The following CEP295 variants were observed in gnomAD, a reference collection of about 807,000 sequenced individuals.
CEP295 encodes the protein centrosomal protein of 295 kDa.
CEP295 carries 190 observed loss-of-function variants against 291.6 expected under a neutral mutation model. The ratio of observed to expected loss-of-function variants is 0.65; its 90% CI spans 0.58 to 0.73. CEP295 has a LOEUF of 0.73. Ranked by LOEUF, CEP295 falls within the 30% of genes least tolerant of loss-of-function variation. CEP295 has a pLI of 0.00. For synonymous variants in CEP295, 993 were observed against 1,038.8 expected, an observed-to-expected ratio of 0.96 and a Z score of 0.85; for missense variants, 2,863 against 2,949.4, an observed-to-expected ratio of 0.97 and a Z score of 0.68.
intron 7 of CEP295, among the ~76,000 whole-genome samples, chr11:93,680,131 G>T (rs1174146064): frequency 6.6e-6 from 1 of 152,126 alleles, no homozygotes; most frequent in African/African-American, 2.4e-5. Context: ...AGAAAAATTA[G>T]CCAGGCATGG....
intron 21 of CEP295, chr11:93,723,668 A>C (rs1052804606): frequency 1.2e-5 from 2 of 169,944 alleles, no homozygotes; most frequent in East Asian, 3.3e-4. Flanking sequence ...CTTTTATAAA[A>C]GAGGAATATT....
Position 93,667,777 on chromosome 11 carries a change from G to A in CEP295, c.279G>A (p.Met93Ile), listed in dbSNP as rs757182336. 19 of 1,551,250 alleles carry A rather than the reference G, an allele frequency of 1.2e-5. 1 individual carries two copies. The South Asian group carries it at 2.3e-4, about 18-fold the overall frequency. ...EKLYLASLRS[M>I]GEGHRQAKEN... ...TGTATTTGGCAAGTTTAAGAAGTAT[G>A]GGAGAGGGACATCGACAGGCCAAAG... The change falls in exon 3 of 30, where the codon ATG becomes ATA. Residue 93 changes from methionine to isoleucine, a missense_variant. Physicochemically the swap from Met to Ile is conservative, Grantham distance 10. This residue lies in a region of CEP295 where 554 missense variants were observed against 576.0 expected (regional missense o/e 0.96). Transcript: ENST00000325212.
Position 93,667,649 on chromosome 11 carries a change from G to T in CEP295, c.151G>T (p.Asp51Tyr). The change falls in exon 3 of 30, where the codon GAC becomes TAC. Residue 51 changes from aspartate (D) to tyrosine (Y), a missense_variant. Physicochemically the swap from Asp to Tyr is radical, Grantham distance 160. Transcript: ENST00000325212. The stretch of plus-strand genomic sequence containing the variant: ...AGATATCGCCTTACAGATAAGAGAA[G>T]ACATAAAACAGAGGAGAAATCAACA... ...ERDIALQIREDIKQRRNQQFT... is the reference protein window; with the variant it reads ...ERDIALQIREYIKQRRNQQFT... 6.4e-7 allele frequency: 1 copy of T among 1,551,314 alleles called. No homozygotes were observed. The highest frequency in any genetic ancestry group is 8.7e-7 in the Non-Finnish European group (1 of 1,146,746).
chr11:93,712,443 G>C (rs752821544), intron 18 of CEP295, among the ~76,000 whole-genome samples: 2 of 151,556 alleles, frequency 1.3e-5, no homozygotes, highest in African/African-American at 2.4e-5. Context: ...TAGTAGAGAC[G>C]GGGTTTCGCC....
chr11:93,669,631 A>G (rs994513696), intron 4 of CEP295, 46 bp from the exon 5 acceptor site: 10 of 1,250,652 alleles, frequency 8.0e-6, no homozygotes, highest in Non-Finnish European at 1.1e-5. Context: ...TTGTACTATA[A>G]TATTATCACT....
chr11:93,682,082 C>G (rs1951003236), intron 7 of CEP295, among the ~76,000 whole-genome samples: 1 of 152,004 alleles, frequency 6.6e-6, no homozygotes, highest in Admixed American at 6.6e-5. Flanking sequence ...TAATTAGAAT[C>G]TTAGTATAAA....
Position 93,687,673 on chromosome 11 carries a change from C to G in CEP295, c.1144C>G (p.Pro382Ala). The G allele has an allele frequency of 6.5e-7, 1 of 1,535,638 alleles. No individual in the cohort carries two copies. Among genetic ancestry groups the G allele is most frequent in the Non-Finnish European group, 8.8e-7 (1 of 1,135,828 alleles). Residue 382 changes from proline to alanine, a missense_variant, in exon 10 of 30, where the codon CCT becomes GCT. Transcript: ENST00000325212. ...CTTGGTAATGAAGACCCAACAGATT[C>G]CTTCAAAAGTTCTTTTTAAAAAATT... The part of the protein sequence containing the change: ...VPLVMKTQQI[P>A]SKVLFKKLLN...
intron 18 of CEP295, among the ~76,000 whole-genome samples, chr11:93,712,147 A>G (rs982983001): frequency 6.6e-5 from 10 of 151,844 alleles, no homozygotes; most frequent in Non-Finnish European, 1.3e-4. Context: ...TTGGGTGCAT[A>G]TATGTTTATA....
At chr11:93,701,356 C>T (rs1202132394) in intron 15 of CEP295, among the ~76,000 whole-genome samples, 1 of 151,826 alleles carries the variant, frequency 6.6e-6, no homozygotes, top group Non-Finnish European at 1.5e-5. Flanking sequence ...GAGGGAGACC[C>T]TATCTCAAAA....
At chr11:93,706,951 A>T in intron 18 of CEP295, 54 bp downstream of exon 18, 6 of 1,373,090 alleles carry the variant, frequency 4.4e-6, no homozygotes, top group South Asian at 1.5e-5. Flanking sequence ...TGGACAAAAG[A>T]TATTTATTAT....
intron 10 of CEP295, among the ~76,000 whole-genome samples, chr11:93,688,868 G>A (rs1011511295): frequency 6.6e-6 from 1 of 152,104 alleles, no homozygotes; most frequent in Non-Finnish European, 1.5e-5. Flanking sequence ...TTCTTCAGAA[G>A]TGACCTGTTG....
intron 20 of CEP295, among the ~76,000 whole-genome samples, 182 bp downstream of exon 20, chr11:93,722,232 G>T (rs568436779): frequency 6.6e-6 from 1 of 152,222 alleles, no homozygotes; most frequent in African/African-American, 2.4e-5. Context: ...ACCTTGAGGT[G>T]GGAGGATCGC....
Position 93,720,489 on chromosome 11 carries a change from A to AAAAG in CEP295, c.5750-822_5750-821insAAGA, listed in dbSNP as rs34039567. ...AGTCTGCCTCAAAAAAAAAAAAAAA[A>AAAAG]ACTGTCTCTAAAAAAATGAAATAAA... On this transcript the variant is annotated intron_variant, in intron 18 of 29. Transcript: ENST00000325212. Among the ~76,000 whole-genome samples, 1,113 of 121,280 alleles carry AAAAG rather than the reference A, an allele frequency of 9.2e-3. 125 individuals carry two copies. Among genetic ancestry groups the AAAAG allele is most frequent in the African/African-American group, 0.026 (863 of 33,470 alleles). The allele number at this position is 121,280 out of a possible 152,430, so 79.6% of individuals were successfully genotyped here.
In CEP295 at chr11:93,698,395, A is replaced by C; in HGVS notation, c.3483A>C (p.Glu1161Asp). 1.3e-6 allele frequency: 2 copies of C among 1,552,202 alleles called. No individual in the cohort carries two copies. The highest frequency in any genetic ancestry group is 1.7e-6 in the Non-Finnish European group (2 of 1,147,102). ...CACAGCATAGCCTGGCACAGCAAGA[A>C]AATTTGACAATACTCCAAGAACAGT... Reference protein sequence around the residue: ...SFPQHSLAQQENLTILQEQSQ... With the variant: ...SFPQHSLAQQDNLTILQEQSQ... The change falls in exon 15 of 30, where the codon GAA becomes GAC. Residue 1161 changes from glutamate to aspartate, a missense_variant. Transcript: ENST00000325212.
chr11:93,662,012 C>T (rs1950011384), intron 1 of CEP295, among the ~76,000 whole-genome samples: 1 of 152,210 alleles, frequency 6.6e-6, no homozygotes, highest in Admixed American at 6.5e-5. Flanking sequence ...GCTTTGCGCG[C>T]TCTCCTGGGG....
chr11:93,702,840 T>C lies in CEP295; in HGVS notation c.5517T>C (p.Cys1839=). 6.4e-7 allele frequency: 1 copy of C among 1,551,828 alleles called. No individual in the cohort carries two copies. The highest frequency in any genetic ancestry group is 2.4e-5 in the East Asian group (1 of 40,912). ...AGCCACCTGTAGCAAAAGTCAAATG[T>C]GGTTTGGACTTAAACCAGCATGAAC... ...SSKPPVAKVK[C]GLDLNQHELS... The change falls in exon 17 of 30, where the codon TGT becomes TGC. Residue 1839 remains cysteine (C), a synonymous_variant. Transcript: ENST00000325212.
chr11:93,669,898 G>T, intron 5 of CEP295, 128 bp downstream of exon 5: 2 of 598,584 alleles, frequency 3.3e-6, no homozygotes, highest in South Asian at 2.3e-5. Context: ...AACTTGTACA[G>T]GAGTATATCT....
chr11:93,669,838 G>C (rs915257461), intron 5 of CEP295, 68 bp downstream of exon 5: 16 of 983,998 alleles, frequency 1.6e-5, no homozygotes, highest in Non-Finnish European at 2.3e-5. Context: ...GTGGAGGTCA[G>C]AATGACTATC....
chr11:93,696,289 C>A, intron 13 of CEP295, 31 bp from the exon 14 acceptor site: 1 of 1,383,336 alleles, frequency 7.2e-7, no homozygotes, highest in Non-Finnish European at 1.0e-6. Flanking sequence ...TCTAAATTTG[C>A]TTTTTAATTA....
Sources: gnomAD v4.1 joint callset for allele counts (sites outside exome capture counted in the v4.1 genomes callset) on GRCh38, gnomAD v4.1.1 for gene constraint, gnomAD v4.1.1 regional missense constraint, MANE v1.5 for transcripts, NCBI Gene and HGNC (gene_info 2026-07-23, HGNC 2026-07-21) for gene names.